PIP4P2: variants seen among roughly 807,000 people sequenced by gnomAD.
PIP4P2 encodes phosphatidylinositol-4,5-bisphosphate 4-phosphatase 2, also known as type 2 phosphatidylinositol 4,5-bisphosphate 4-phosphatase.
Under a neutral mutation model 33.3 loss-of-function variants are expected in PIP4P2, and 19 were observed. That is an observed-to-expected ratio of 0.57 (90% confidence interval 0.40 to 0.84). The LOEUF is 0.84. Ranked by LOEUF, PIP4P2 falls within the 40% of genes least tolerant of loss-of-function variation. The pLI, the probability that PIP4P2 is intolerant of heterozygous loss-of-function variation, is 0.00. For synonymous variants in PIP4P2, 110 were observed against 111.9 expected (o/e 0.98, Z 0.11); for missense variants, 270 against 324.7 (o/e 0.83, Z 1.29).
intron 4 of PIP4P2, among the ~76,000 whole-genome samples, chr8:91,016,091 C>A (rs1431697572): frequency 6.6e-6 from 1 of 152,164 alleles, no homozygotes; most frequent in African/African-American, 2.4e-5. Flanking sequence ...ACTATTTACT[C>A]CTAATTAGAC....
At chr8:91,000,939 C>T (rs920708168) in intron 5 of PIP4P2, among the ~76,000 whole-genome samples, 2 of 152,004 alleles carry the variant, frequency 1.3e-5, no homozygotes, top group African/African-American at 2.4e-5. Context: ...CTGGGTAATT[C>T]ACTTACCTCT....
chr8:91,009,648 A>G lies in PIP4P2; in HGVS notation c.487-853T>C, dbSNP rs75493440. Among the ~76,000 whole-genome samples the G allele has an allele frequency of 2.4e-3, 371 of 151,896 alleles. 5 individuals are homozygous for G. The highest frequency in any genetic ancestry group is 8.6e-3 in the African/African-American group (359 of 41,510). ...TTTCATTTGGAAATCTAGGCCAACA[A>G]TTTTTCTTTTCAGAAGGCTCAAATT... On this transcript the variant is annotated intron_variant, in intron 4 of 6. Coordinates refer to ENST00000285419, the MANE Select transcript of PIP4P2 (RefSeq NM_018710.3).
intron 1 of PIP4P2, among the ~76,000 whole-genome samples, chr8:91,036,031 C>A (rs1048933496): frequency 2.6e-5 from 4 of 151,606 alleles, no homozygotes; most frequent in African/African-American, 9.7e-5. Flanking sequence ...AAAACAAAAC[C>A]AAAAAAACTG....
intron 2 of PIP4P2, among the ~76,000 whole-genome samples, chr8:91,020,879 A>C (rs1031627977): frequency 7.2e-5 from 11 of 152,206 alleles, no homozygotes; most frequent in African/African-American, 2.7e-4. Flanking sequence ...CCACATAAAT[A>C]GGGCAAAGTT....
At chr8:91,013,789 C>A (rs978178513) in intron 4 of PIP4P2, among the ~76,000 whole-genome samples, 1 of 152,146 alleles carries the variant, frequency 6.6e-6, no homozygotes, top group African/African-American at 2.4e-5. Context: ...CCATGTTGGT[C>A]TCTCAAAGCA....
intron 5 of PIP4P2, among the ~76,000 whole-genome samples, chr8:91,007,664 AG>A (rs796681771): frequency 1.3e-5 from 2 of 152,244 alleles, no homozygotes; most frequent in South Asian, 2.1e-4. Context: ...TTAACACAGT[AG>A]GCCTGAGACT....
intron 1 of PIP4P2, chr8:91,024,332 G>T (rs917305756): frequency 6.8e-6 from 3 of 439,862 alleles, no homozygotes; most frequent in African/African-American, 6.0e-5. Context: ...TCTTATATGG[G>T]ACTTGTAATT....
intron 1 of PIP4P2, among the ~76,000 whole-genome samples, chr8:91,030,341 G>T (rs942606197): frequency 1.3e-5 from 2 of 152,026 alleles, no homozygotes; most frequent in Admixed American, 1.3e-4. Flanking sequence ...CTCAAAACAG[G>T]ATTCTTCCTA....
intron 1 of PIP4P2, among the ~76,000 whole-genome samples, chr8:91,030,008 A>C (rs1245490013): frequency 6.6e-6 from 1 of 152,088 alleles, no homozygotes; most frequent in African/African-American, 2.4e-5. Context: ...TAGTACAAAT[A>C]TGAGGTATTG....
At position 91,029,839 on chromosome 8, in the gene PIP4P2, C is replaced by T. The variant is rs539833147; in HGVS notation, c.107-8435G>A. On this transcript the variant is annotated intron_variant, in intron 1 of 6. Coordinates refer to ENST00000285419, the MANE Select transcript of PIP4P2 (RefSeq NM_018710.3). ...AGAATTAGCCGGGCGTGGTGGCGGGCGCCTGTAGTTCCAGCTACTCGGGAG... is the reference window on the plus strand; with the variant it reads ...AGAATTAGCCGGGCGTGGTGGCGGGTGCCTGTAGTTCCAGCTACTCGGGAG... Among the ~76,000 whole-genome samples, 174 of 152,104 alleles carry T rather than the reference C, an allele frequency of 1.1e-3. 1 individual carries two copies. Among genetic ancestry groups the T allele is most frequent in the African/African-American group, 3.9e-3 (162 of 41,488 alleles).
intron 6 of PIP4P2, among the ~76,000 whole-genome samples, 198 bp downstream of exon 6, chr8:90,996,456 C>G (rs944242357): frequency 1.3e-5 from 2 of 152,034 alleles, no homozygotes; most frequent in Non-Finnish European, 2.9e-5. Flanking sequence ...GACACCGTTT[C>G]ACTTGGATGG....
intron 1 of PIP4P2, among the ~76,000 whole-genome samples, chr8:91,034,812 C>T (rs1812215114): frequency 6.6e-6 from 1 of 152,164 alleles, no homozygotes. Context: ...CCACAGACAA[C>T]CTTATACTCT....
At chr8:91,028,618 T>C (rs1812115798) in intron 1 of PIP4P2, among the ~76,000 whole-genome samples, 3 of 152,216 alleles carry the variant, frequency 2.0e-5, no homozygotes, top group African/African-American at 4.8e-5. Flanking sequence ...ACCAGTAAAA[T>C]TGCCAACTTT....
intron 1 of PIP4P2, chr8:91,024,417 A>T (rs1221345651): frequency 5.5e-6 from 2 of 364,988 alleles, no homozygotes; most frequent in East Asian, 1.6e-4. Context: ...TAATTGGATT[A>T]TTATAGATTA....
At chr8:91,003,677 TC>T (rs1811729316) in intron 5 of PIP4P2, among the ~76,000 whole-genome samples, 1 of 152,052 alleles carries the variant, frequency 6.6e-6, no homozygotes, top group Non-Finnish European at 1.5e-5. Flanking sequence ...TATATTTAAA[TC>T]TGAAGCTCCA....
intron 6 of PIP4P2, 100 bp from the exon 7 acceptor site, chr8:90,995,920 C>T: frequency 7.7e-7 from 1 of 1,303,866 alleles, no homozygotes; most frequent in Non-Finnish European, 1.0e-6. Flanking sequence ...ATGAAATATA[C>T]CCCCAGACCG....
intron 5 of PIP4P2, among the ~76,000 whole-genome samples, chr8:91,003,950 GAT>G (rs1491326603): frequency 6.9e-5 from 4 of 57,690 alleles, no homozygotes; most frequent in Non-Finnish European, 1.6e-4. Context: ...ACCAACAGGA[GAT>G]AGATAGATAG....
intron 1 of PIP4P2, 81 bp downstream of exon 1, chr8:91,040,563 A>T: frequency 2.6e-6 from 4 of 1,518,300 alleles, no homozygotes; most frequent in Non-Finnish European, 3.6e-6. Context: ...TCCAAGCTAG[A>T]GCTCCCAGGT....
intron 4 of PIP4P2, among the ~76,000 whole-genome samples, chr8:91,016,101 C>A (rs193093535): frequency 7.2e-5 from 11 of 152,198 alleles, no homozygotes; most frequent in African/African-American, 2.4e-4. Context: ...CCTAATTAGA[C>A]GGAGACGAAA....
Sources: allele counts gnomAD v4.1 joint callset (sites outside exome capture counted in the v4.1 genomes callset), GRCh38; gene constraint gnomAD v4.1.1; transcripts MANE v1.5; gene names NCBI Gene and HGNC (gene_info 2026-07-23, HGNC 2026-07-21).